Variants in ELOVL5 observed in about 807,000 individuals in gnomAD.
ELOVL5 encodes the protein very long chain fatty acid elongase 5.
ELOVL5 carries 8 observed loss-of-function variants against 38.6 expected under a neutral mutation model. The ratio of observed to expected loss-of-function variants is 0.21; its 90% confidence interval spans 0.12 to 0.37. The LOEUF is 0.37. Among genes scored for constraint, ELOVL5 ranks in the 10% least tolerant of loss-of-function variants. The probability of loss-of-function intolerance (pLI) is 1.00; values close to 1 mark genes in which losing one functional copy is unlikely to be tolerated. For synonymous variants in ELOVL5, 127 were observed against 133.7 expected (o/e 0.95, Z 0.34); for missense variants, 280 against 367.8 (o/e 0.76, Z 1.95).
chr6:53,302,138 T>C (rs937674585), intron 1 of ELOVL5, among the ~76,000 whole-genome samples: 1 of 152,110 alleles, frequency 6.6e-6, no homozygotes, highest in East Asian at 1.9e-4. Flanking sequence ...CTGGAAATAC[T>C]AACACGAGCA....
In ELOVL5 at chr6:53,332,321, T is replaced by C. The variant is rs78537394; in HGVS notation, c.-9+16496A>G. On this transcript the variant is annotated intron_variant, in intron 1 of 7. Transcript: ENST00000304434. ...AGGAGTGAGGTGATTTTCACATTAT[T>C]GGTAGGCATAAAAACTGAGTTTCTT... 3.9e-3 allele frequency among the ~76,000 whole-genome samples: 599 copies of C among 152,342 alleles called. 5 individuals carry two copies. Among genetic ancestry groups the C allele is most frequent in the African/African-American group, 0.014 (579 of 41,580 alleles).
chr6:53,308,851 C>T (rs1183399814), intron 1 of ELOVL5, among the ~76,000 whole-genome samples: 1 of 127,530 alleles, frequency 7.8e-6, no homozygotes, highest in Non-Finnish European at 1.5e-5. Context: ...CCTGTTTCCT[C>T]TAATTCCACC....
intron 5 of ELOVL5, among the ~76,000 whole-genome samples, chr6:53,274,019 G>A (rs1323093319): frequency 1.3e-5 from 2 of 152,186 alleles, no homozygotes; most frequent in African/African-American, 2.4e-5. Flanking sequence ...ACAGCCTGGT[G>A]TTAGGGAAGT....
intron 6 of ELOVL5, among the ~76,000 whole-genome samples, chr6:53,271,422 C>T (rs1037496324): frequency 4.6e-5 from 7 of 152,092 alleles, no homozygotes; most frequent in South Asian, 4.1e-4. Context: ...TGGTGGCACA[C>T]GCCGGTAGTC....
At chr6:53,325,974 G>C (rs925864697) in intron 1 of ELOVL5, among the ~76,000 whole-genome samples, 1 of 152,230 alleles carries the variant, frequency 6.6e-6, no homozygotes, top group South Asian at 2.1e-4. Flanking sequence ...CATCAGGGAA[G>C]ACTTCATGCA....
Position 53,348,904 on chromosome 6 carries a change from G to A in ELOVL5, c.-96C>T. The A allele has an allele frequency of 2.2e-6, 1 of 451,938 alleles. No individual in the cohort carries two copies. The highest frequency in any genetic ancestry group is 1.5e-5 in the South Asian group (1 of 64,610). The allele number at this position is 451,938 out of a possible 1,614,324, so 28.0% of individuals were successfully genotyped here. ...GCGGGTGGCAGCCGGCGCAGAGGCG[G>A]ATGTAGAAGGAGACACCGGTGGCTA... On this transcript the variant is annotated 5_prime_UTR_variant, in exon 1 of 8. Transcript: ENST00000304434.
At chr6:53,273,414 A>G (rs1435754926) in intron 5 of ELOVL5, 70 bp from the exon 6 acceptor site, 2 of 1,410,832 alleles carry the variant, frequency 1.4e-6, no homozygotes, top group Admixed American at 4.2e-5. Context: ...GTAAAAAAAA[A>G]AAAAATACAA....
intron 1 of ELOVL5, among the ~76,000 whole-genome samples, chr6:53,305,581 G>A (rs1450904504): frequency 6.6e-6 from 1 of 151,468 alleles, no homozygotes; most frequent in Non-Finnish European, 1.5e-5. Context: ...GCTGGGCCGA[G>A]GCGCTCCCCA....
chr6:53,288,197 G>A (rs75941920), intron 3 of ELOVL5, among the ~76,000 whole-genome samples: 1 of 152,140 alleles, frequency 6.6e-6, no homozygotes, highest in African/African-American at 2.4e-5. Flanking sequence ...TGTATGTAGA[G>A]GTTCTCAATT....
intron 1 of ELOVL5, chr6:53,336,950 T>A (rs1262713493): frequency 6.6e-6 from 1 of 152,174 alleles, no homozygotes. Flanking sequence ...CTGCTATGAT[T>A]TCTGGTAGTG....
chr6:53,289,804 T>TACC (rs1299225144), intron 3 of ELOVL5, among the ~76,000 whole-genome samples: 1 of 152,238 alleles, frequency 6.6e-6, no homozygotes, highest in African/African-American at 2.4e-5. Flanking sequence ...TTGATGGGTT[T>TACC]TACAATATGT....
At chr6:53,304,411 T>C (rs1767393900) in intron 1 of ELOVL5, among the ~76,000 whole-genome samples, 1 of 150,886 alleles carries the variant, frequency 6.6e-6, no homozygotes, top group African/African-American at 2.4e-5. Context: ...AAAAAATGCA[T>C]GTACACACAC....
chr6:53,300,432 C>T (rs530078665), intron 1 of ELOVL5, among the ~76,000 whole-genome samples: 51 of 151,962 alleles, frequency 3.4e-4, no homozygotes, highest in Non-Finnish European at 6.3e-4. Context: ...CAGACAGAAA[C>T]ACACGTACAA....
intron 1 of ELOVL5, among the ~76,000 whole-genome samples, chr6:53,311,641 T>C (rs1767837755): frequency 6.6e-6 from 1 of 152,190 alleles, no homozygotes; most frequent in Non-Finnish European, 1.5e-5. Flanking sequence ...AATGGAATGT[T>C]ATTTGGCCAT....
At chr6:53,298,719 G>C (rs1451663591) in intron 1 of ELOVL5, among the ~76,000 whole-genome samples, 1 of 152,036 alleles carries the variant, frequency 6.6e-6, no homozygotes, top group African/African-American at 2.4e-5. Flanking sequence ...TTCTCGGCAG[G>C]GGCACTGCTG....
intron 5 of ELOVL5, among the ~76,000 whole-genome samples, chr6:53,273,660 A>G (rs925088083): frequency 4.6e-5 from 7 of 152,222 alleles, no homozygotes; most frequent in Non-Finnish European, 8.8e-5. Context: ...TCTCAGAGAC[A>G]GCTGTTTTTC....
rs757160862 is a variant in ELOVL5 at position 53,330,517 on chromosome 6, C to CTT, written c.-9+18298_-9+18299dup. 1.4e-3 allele frequency among the ~76,000 whole-genome samples: 124 copies of CTT among 91,408 alleles called. 13 individuals carry two copies. Among genetic ancestry groups the CTT allele is most frequent in the African/African-American group, 3.7e-3 (88 of 23,526 alleles). 60.0% of individuals were successfully genotyped at this position (91,408 alleles called of 152,430 possible). The stretch of plus-strand genomic sequence containing the variant: ...ATGGTAACATTTTTTTCTTTATAAA[C>CTT]TTTTTTTTTTTTTTTTTTTTTTTTA... On this transcript the variant is annotated intron_variant, in intron 1 of 7. Coordinates refer to ENST00000304434, the MANE Select transcript of ELOVL5 (RefSeq NM_021814.5).
intron 5 of ELOVL5, among the ~76,000 whole-genome samples, chr6:53,273,897 CA>C (rs1766014112): frequency 6.6e-6 from 1 of 152,166 alleles, no homozygotes; most frequent in Admixed American, 6.5e-5. Flanking sequence ...CTTATCACAT[CA>C]TTTTCAATGT....
intron 3 of ELOVL5, among the ~76,000 whole-genome samples, chr6:53,289,216 AATATGCAG>A (rs1766683388): frequency 6.6e-6 from 1 of 152,250 alleles, no homozygotes; most frequent in Admixed American, 6.5e-5. Flanking sequence ...TACAGCCCCA[AATATGCAG>A]ATAAGCAGGA....
Sources: allele counts gnomAD v4.1 joint callset (sites outside exome capture counted in the v4.1 genomes callset), GRCh38; gene constraint gnomAD v4.1.1; transcripts MANE v1.5; gene names NCBI Gene and HGNC (gene_info 2026-07-23, HGNC 2026-07-21).